SPTB: variants seen among roughly 807,000 people sequenced by gnomAD.
SPTB encodes the protein spectrin beta, erythrocytic.
In SPTB, 45 loss-of-function variants were observed where a neutral mutation model predicts 256.2. The ratio of observed to expected loss-of-function variants is 0.18; its 90% CI spans 0.14 to 0.23. SPTB has a LOEUF of 0.23. Ranked by LOEUF, SPTB falls within the 10% of genes least tolerant of loss-of-function variation. SPTB has a pLI of 1.00. For missense variants in SPTB, 2,715 were observed against 3,040.4 expected, an observed-to-expected ratio of 0.89 and a Z score of 2.52; for synonymous variants, 1,231 against 1,243.1, an observed-to-expected ratio of 0.99 and a Z score of 0.21.
In SPTB at chr14:64,785,934, G is replaced by C; in HGVS notation, c.3579C>G (p.His1193Gln). 2 of 1,614,090 alleles carry C rather than the reference G, an allele frequency of 1.2e-6. No individual in the cohort carries two copies. The highest frequency in any genetic ancestry group is 8.5e-7 in the Non-Finnish European group (1 of 1,180,028). The part of the protein sequence containing the change: ...ILSNQEYTLA[H>Q]LEPPDSLEAA... ...CTTCCAGGGAGTCTGGGGGCTCCAAGTGAGCCAGAGTGTATTCCTGTTGGA... is the reference window on the plus strand; with the variant it reads ...CTTCCAGGGAGTCTGGGGGCTCCAACTGAGCCAGAGTGTATTCCTGTTGGA... The change falls in exon 17 of 36, where the codon CAC becomes CAG. Residue 1193 changes from histidine to glutamine, a missense_variant. This residue lies in a region of SPTB where 2,239 missense variants were observed against 2,384.4 expected (regional missense o/e 0.94). Transcript: ENST00000644917. This position sits in a 1 kb window ranked among gnomAD's most constrained non-coding sequence, Gnocchi z 4.4.
Position 64,786,324 on chromosome 14 carries a change from C to G in SPTB, c.3561+80G>C. ...GACAAGAGTAATGTGGTCCCTGAGT[C>G]TTACAGCACATTTGTGGACTCACCA... On this transcript the variant is annotated intron_variant, in intron 16 of 35. Coordinates refer to ENST00000644917, the MANE Select transcript of SPTB (RefSeq NM_001355436.2). The surrounding 1 kb of genome is among the most constrained non-coding windows in gnomAD (Gnocchi z 5.6). 6.4e-7 allele frequency: 1 copy of G among 1,573,670 alleles called. No homozygotes were observed. The highest frequency in any genetic ancestry group is 8.7e-7 in the Non-Finnish European group (1 of 1,148,944).
intron 1 of SPTB, among the ~76,000 whole-genome samples, chr14:64,859,316 G>A (rs1240115062): frequency 6.6e-6 from 1 of 152,200 alleles, no homozygotes; most frequent in Non-Finnish European, 1.5e-5. Context: ...TCCCTATCAT[G>A]AAATATAGTG....
At chr14:64,835,098 G>A (rs998599010) in intron 1 of SPTB, among the ~76,000 whole-genome samples, 1 of 152,156 alleles carries the variant, frequency 6.6e-6, no homozygotes, top group Non-Finnish European at 1.5e-5. Flanking sequence ...ACTCCTGAGG[G>A]AACAGGTGCT....
Position 64,797,214 on chromosome 14 carries a change from T to G in SPTB, c.1183-499A>C, listed in dbSNP as rs1177196310. ...GAGGCTGGGTGTGATGGCTCACACGTGTAATCTCAGCACTTTGGGAGGCCA... is the reference window on the plus strand; with the variant it reads ...GAGGCTGGGTGTGATGGCTCACACGGGTAATCTCAGCACTTTGGGAGGCCA... On this transcript the variant is annotated intron_variant, in intron 10 of 35. Transcript: ENST00000644917. Among the ~76,000 whole-genome samples, 3 of 152,010 alleles carry G rather than the reference T, an allele frequency of 2.0e-5. No individual in the cohort carries two copies. In the East Asian group the frequency reaches 5.8e-4, roughly 29 times the overall value.
rs751350567 is a variant in SPTB at position 64,866,362 on chromosome 14, C to T, written c.-52+13430G>A. Among the ~76,000 whole-genome samples, 1 of 152,202 alleles carries T rather than the reference C, an allele frequency of 6.6e-6. No individual in the cohort carries two copies. Among genetic ancestry groups the T allele is most frequent in the South Asian group, 2.1e-4 (1 of 4,834 alleles). ...GGGGTCTTCAGTTGTCTTGGCCAAG[C>T]CCGTTCCTCTGTCTCGCTGCCCTCA... On this transcript the variant is annotated intron_variant, in intron 1 of 35. Transcript: ENST00000644917. The surrounding 1 kb of genome is among the most constrained non-coding windows in gnomAD (Gnocchi z 4.6).
chr14:64,798,464 G>T (rs931117239), intron 9 of SPTB, among the ~76,000 whole-genome samples: 4 of 152,180 alleles, frequency 2.6e-5, no homozygotes, highest in Non-Finnish European at 5.9e-5. Context: ...AGCATATGGG[G>T]TACAGGCTCC....
chr14:64,859,692 CTG>C (rs1566807214), intron 1 of SPTB, among the ~76,000 whole-genome samples: 48 of 40,816 alleles, frequency 1.2e-3, no homozygotes, highest in Middle Eastern at 0.015. Context: ...CTCTCTCTCT[CTG>C]TCTCTCTCTC....
Position 64,797,718 on chromosome 14 carries a change from T to C in SPTB, c.1182+11A>G. 1 of 1,584,624 alleles carries C rather than the reference T, an allele frequency of 6.3e-7. No homozygotes were observed. Among genetic ancestry groups the C allele is most frequent in the South Asian group, 1.1e-5 (1 of 90,450 alleles). On this transcript the variant is annotated intron_variant, in intron 10 of 35. Transcript: ENST00000644917. ...TCTACTGTCAATGCATAACGGAAAA[T>C]GCTGTGGTACCCTGTTGATGTCAGA...
rs1362482940 is a variant in SPTB, at chr14:64,796,267, C to T, written c.1341+290G>A. On this transcript the variant is annotated intron_variant, in intron 11 of 35. Coordinates refer to ENST00000644917, the MANE Select transcript of SPTB (RefSeq NM_001355436.2). The surrounding 1 kb of genome is among the most constrained non-coding windows in gnomAD (Gnocchi z 4.1). The stretch of plus-strand genomic sequence containing the variant: ...TGATTTTACCATATCCCCCAAGAAC[C>T]ACAATTTAACATCAACTGAAACCCC... 6.6e-6 allele frequency among the ~76,000 whole-genome samples: 1 copy of T among 152,168 alleles called. No homozygotes were observed. The highest frequency in any genetic ancestry group is 2.4e-5 in the African/African-American group (1 of 41,422).
At chr14:64,808,753 C>A (rs1363956064) in intron 2 of SPTB, among the ~76,000 whole-genome samples, 1 of 152,096 alleles carries the variant, frequency 6.6e-6, no homozygotes, top group Non-Finnish European at 1.5e-5. Flanking sequence ...AAATAAGTGG[C>A]AGTTCACTTT....
intron 10 of SPTB, among the ~76,000 whole-genome samples, chr14:64,797,504 G>GAAAA (rs1218402712): frequency 1.9e-4 from 18 of 92,610 alleles, no homozygotes; most frequent in African/African-American, 6.2e-4. Flanking sequence ...AAAAAAAAAG[G>GAAAA]ACTCAGGGAT....
intron 1 of SPTB, among the ~76,000 whole-genome samples, chr14:64,877,592 C>T (rs941115899): frequency 4.6e-5 from 7 of 152,146 alleles, no homozygotes; most frequent in African/African-American, 9.7e-5. Flanking sequence ...ATAGAGAAAA[C>T]GCTGAGCATT....
At position 64,853,644 on chromosome 14, in the gene SPTB, G is replaced by A. The variant is rs72726243; in HGVS notation, c.-52+26148C>T. Among the ~76,000 whole-genome samples the A allele has an allele frequency of 6.6e-6, 1 of 152,146 alleles. No homozygotes were observed. Among genetic ancestry groups the A allele is most frequent in the African/African-American group, 2.4e-5 (1 of 41,434 alleles). ...GATGGGAGAGGGTATGGGGCTTTGA[G>A]GGGGAGCAGACAGGCATGCAGGGCC... is the stretch of plus-strand genomic sequence containing the variant. On this transcript the variant is annotated intron_variant, in intron 1 of 35. Transcript: ENST00000644917. The surrounding 1 kb of genome is among the most constrained non-coding windows in gnomAD (Gnocchi z 4.3).
intron 5 of SPTB, 113 bp from the exon 6 acceptor site, chr14:64,801,947 G>T: frequency 8.9e-7 from 1 of 1,122,956 alleles, no homozygotes; most frequent in Non-Finnish European, 1.3e-6. Context: ...CCTTTCTTGA[G>T]CCAGGTCACC....
intron 2 of SPTB, among the ~76,000 whole-genome samples, chr14:64,819,671 T>A (rs1294156497): frequency 2.0e-5 from 3 of 151,890 alleles, no homozygotes. Context: ...TCCTTCCAAC[T>A]CAGAACTTCC....
intron 15 of SPTB, among the ~76,000 whole-genome samples, chr14:64,789,647 C>A (rs577252418): frequency 6.6e-6 from 1 of 152,124 alleles, no homozygotes; most frequent in Admixed American, 6.5e-5. Context: ...GCAGGAACCC[C>A]AAAAATGTAT....
chr14:64,815,312 T>C (rs1474398415), intron 2 of SPTB, among the ~76,000 whole-genome samples: 4 of 152,004 alleles, frequency 2.6e-5, no homozygotes, highest in Admixed American at 1.3e-4. Context: ...CGAAGGAGCA[T>C]GTGAGGTAAG....
At chr14:64,788,073 A>G (rs1441876370) in intron 15 of SPTB, among the ~76,000 whole-genome samples, 1 of 152,232 alleles carries the variant, frequency 6.6e-6, no homozygotes, top group African/African-American at 2.4e-5. Flanking sequence ...ATATTCAGAC[A>G]AGCTCACAAA....
chr14:64,780,825 T>C (rs1159876205), intron 20 of SPTB, among the ~76,000 whole-genome samples: 1 of 152,236 alleles, frequency 6.6e-6, no homozygotes, highest in Non-Finnish European at 1.5e-5. Context: ...ATTCAGATTA[T>C]ACTACAAGGC....
Sources: gnomAD v4.1 joint callset for allele counts (sites outside exome capture counted in the v4.1 genomes callset) on GRCh38, gnomAD v4.1.1 for gene constraint, gnomAD v4.1.1 regional missense constraint, Gnocchi (gnomAD v3.1) non-coding constraint, MANE v1.5 for transcripts, NCBI Gene and HGNC (gene_info 2026-07-23, HGNC 2026-07-21) for gene names.